GALNTL6: variants seen among roughly 807,000 people sequenced by gnomAD.
GALNTL6 encodes polypeptide N-acetylgalactosaminyltransferase like 6, also known as polypeptide N-acetylgalactosaminyltransferase-like 6.
Under a neutral mutation model 73.7 loss-of-function variants are expected in GALNTL6, and 46 were observed. The ratio of observed to expected loss-of-function variants is 0.62; its 90% CI spans 0.49 to 0.80. The LOEUF is 0.80. GALNTL6 is among the 30% of genes least tolerant of loss of function. The pLI is 0.00. For missense variants in GALNTL6, 604 were observed against 755.0 expected (o/e 0.80, Z 2.34); for synonymous variants, 259 against 263.7 (o/e 0.98, Z 0.17).
At chr4:172,791,034 C>T (rs916896109) in intron 5 of GALNTL6, among the ~76,000 whole-genome samples, 119 of 151,908 alleles carry the variant, frequency 7.8e-4, no homozygotes, top group African/African-American at 2.7e-3. Context: ...GGTCCAGATA[C>T]AGAACCATGG....
rs189192183 is a variant in GALNTL6, at chr4:172,494,231, G to A, written c.553+145542G>A. The stretch of plus-strand genomic sequence containing the variant: ...TTGAAATAAGAGCTCTTTAAGATAC[G>A]TAATATTACGATTCCTTCATGAAGA... On this transcript the variant is annotated intron_variant, in intron 5 of 12. Transcript: ENST00000506823. Among the ~76,000 whole-genome samples, 570 of 152,168 alleles carry A rather than the reference G, an allele frequency of 3.7e-3. 6 individuals are homozygous for A. Among genetic ancestry groups the A allele is most frequent in the African/African-American group, 0.012 (515 of 41,526 alleles).
At chr4:172,366,679 G>A (rs1295126820) in intron 5 of GALNTL6, among the ~76,000 whole-genome samples, 1 of 152,092 alleles carries the variant, frequency 6.6e-6, no homozygotes, top group Admixed American at 6.6e-5. Context: ...AGGTCTGTGT[G>A]AATAATCATC....
At chr4:172,814,434 T>C (rs1242188805) in intron 7 of GALNTL6, among the ~76,000 whole-genome samples, 1 of 152,180 alleles carries the variant, frequency 6.6e-6, no homozygotes, top group Non-Finnish European at 1.5e-5. Flanking sequence ...TATCAAGACC[T>C]TTCATAGTGA....
chr4:172,739,840 A>T (rs1448908817), intron 5 of GALNTL6, among the ~76,000 whole-genome samples: 3 of 152,202 alleles, frequency 2.0e-5, no homozygotes, highest in Non-Finnish European at 4.4e-5. Flanking sequence ...AATGCTTGTT[A>T]TAATAAGCCT....
chr4:172,276,614 G>T (rs1738841207), intron 3 of GALNTL6, among the ~76,000 whole-genome samples: 1 of 151,966 alleles, frequency 6.6e-6, no homozygotes, highest in Admixed American at 6.6e-5. Flanking sequence ...GAAACGAAAA[G>T]TTACCACTGT....
chr4:172,780,397 T>C (rs538126093), intron 5 of GALNTL6, among the ~76,000 whole-genome samples: 11 of 152,306 alleles, frequency 7.2e-5, no homozygotes, highest in African/African-American at 2.4e-4. Flanking sequence ...CTTACCACTT[T>C]ATGCTTTTCT....
intron 2 of GALNTL6, among the ~76,000 whole-genome samples, chr4:172,054,901 G>A (rs1730978966): frequency 6.6e-6 from 1 of 152,088 alleles, no homozygotes; most frequent in South Asian, 2.1e-4. Context: ...TTTGATAACG[G>A]AGAATGGATT....
intron 9 of GALNTL6, among the ~76,000 whole-genome samples, chr4:172,948,132 T>C (rs867821058): frequency 1.3e-5 from 2 of 152,192 alleles, no homozygotes; most frequent in African/African-American, 4.8e-5. Context: ...TTAGAAAGTT[T>C]CTCCTGATAG....
chr4:172,005,875 A>G (rs1740826166), intron 2 of GALNTL6, among the ~76,000 whole-genome samples: 1 of 152,186 alleles, frequency 6.6e-6, no homozygotes, highest in Admixed American at 6.5e-5. Flanking sequence ...CCTTAGCTTA[A>G]ATAACTATTG....
intron 7 of GALNTL6, among the ~76,000 whole-genome samples, chr4:172,874,150 C>A (rs77836988): frequency 0.01 from 1,539 of 152,338 alleles, 25 homozygotes; most frequent in African/African-American, 0.033. Flanking sequence ...TCTCCACTCT[C>A]CGCTGGGTAT....
intron 2 of GALNTL6, among the ~76,000 whole-genome samples, chr4:171,890,949 T>C (rs182902836): frequency 3.9e-5 from 6 of 152,304 alleles, no homozygotes; most frequent in Admixed American, 3.3e-4. Context: ...AATAACTTCA[T>C]GTTGTCGTCA....
chr4:173,020,232 C>G (rs1246459146), intron 11 of GALNTL6, among the ~76,000 whole-genome samples: 6 of 152,226 alleles, frequency 3.9e-5, no homozygotes, highest in African/African-American at 1.4e-4. Context: ...TCTTCCCCTA[C>G]AGGTGTGTGG....
At chr4:172,369,315 C>A (rs1427784025) in intron 5 of GALNTL6, among the ~76,000 whole-genome samples, 1 of 152,192 alleles carries the variant, frequency 6.6e-6, no homozygotes, top group Non-Finnish European at 1.5e-5. Flanking sequence ...CGTTTACAAA[C>A]CTTTAGCTAG....
chr4:172,938,680 C>T (rs1345219746), intron 9 of GALNTL6, among the ~76,000 whole-genome samples: 1 of 152,186 alleles, frequency 6.6e-6, no homozygotes, highest in Non-Finnish European at 1.5e-5. Context: ...TGGACAACAA[C>T]AGCAGCACCA....
At chr4:172,294,292 C>A (rs1739583143) in intron 3 of GALNTL6, among the ~76,000 whole-genome samples, 1 of 151,990 alleles carries the variant, frequency 6.6e-6, no homozygotes. Context: ...TAGTTTTTAG[C>A]ATCAACTTCT....
At chr4:172,892,468 G>C (rs1746083566) in intron 8 of GALNTL6, among the ~76,000 whole-genome samples, 1 of 152,094 alleles carries the variant, frequency 6.6e-6, no homozygotes, top group Admixed American at 6.6e-5. Context: ...GTTGGGTGTT[G>C]AAGAAATTTT....
chr4:171,953,157 G>A (rs180933002), intron 2 of GALNTL6, among the ~76,000 whole-genome samples: 103 of 151,690 alleles, frequency 6.8e-4, no homozygotes, highest in Middle Eastern at 3.4e-3. Flanking sequence ...CAGCATAGTC[G>A]GTTACCCCAA....
chr4:172,965,755 T>C (rs1433078975), intron 10 of GALNTL6, among the ~76,000 whole-genome samples: 1 of 152,128 alleles, frequency 6.6e-6, no homozygotes, highest in Admixed American at 6.6e-5. Context: ...TTTTTTCTTC[T>C]CCTGTATGGC....
chr4:172,713,961 A>G (rs1423194617), intron 5 of GALNTL6, among the ~76,000 whole-genome samples: 1 of 152,154 alleles, frequency 6.6e-6, no homozygotes, highest in Non-Finnish European at 1.5e-5. Flanking sequence ...TCACACCTGT[A>G]ATCCCAGCAC....
Sources: gnomAD v4.1 joint callset for allele counts (sites outside exome capture counted in the v4.1 genomes callset) on GRCh38, gnomAD v4.1.1 for gene constraint, MANE v1.5 for transcripts, NCBI Gene and HGNC (gene_info 2026-07-23, HGNC 2026-07-21) for gene names.